Variants in C1QTNF12 observed in about 807,000 individuals in gnomAD.
The protein encoded by C1QTNF12 is C1q and TNF related 12, also known as adipolin.
C1QTNF12 carries 39 observed loss-of-function variants against 34.3 expected under a neutral mutation model. The ratio of observed to expected loss-of-function variants is 1.14; its 90% confidence interval spans 0.88 to 1.49. C1QTNF12 has a LOEUF of 1.49. Among genes scored for constraint, C1QTNF12 ranks in the 40% most tolerant of loss-of-function variants. The pLI, the probability that C1QTNF12 is intolerant of heterozygous loss-of-function variation, is 0.00. For synonymous variants in C1QTNF12, 220 were observed against 196.9 expected (o/e 1.12, Z -0.98); for missense variants, 497 against 424.7 (o/e 1.17, Z -1.50).
intron 1 of C1QTNF12, chr1:1,244,718 G>A (rs1638836910): frequency 1.9e-6 from 1 of 526,378 alleles, no homozygotes; most frequent in Non-Finnish European, 3.4e-6. Flanking sequence ...CTGATGCCCT[G>A]AGCCCCTCAC....
At position 1,244,479 on chromosome 1, in the gene C1QTNF12, G is replaced by T. The variant is rs1359596938; in HGVS notation, c.196C>A (p.Pro66Thr). The change falls in exon 2 of 8, where the codon CCT (proline) becomes ACT (threonine). Residue 66 changes from proline to threonine, a missense_variant. Pro to Thr is a conservative substitution (Grantham distance 38). Coordinates refer to ENST00000330388, the MANE Select transcript of C1QTNF12 (RefSeq NM_001014980.3). ...GTCATGTGGGCGTCGGAGAACTCAG[G>T]TCCTGAGGCCTGGGATGGCTGAAGG... The part of the protein sequence containing the change: ...EAPKPSQASG[P>T]EFSDAHMTWL... 6.2e-7 allele frequency: 1 copy of T among 1,611,572 alleles called. No individual in the cohort carries two copies. The highest frequency in any genetic ancestry group is 1.3e-5 in the African/African-American group (1 of 74,836).
In C1QTNF12 at chr1:1,246,390, G is replaced by A. The variant is rs1339858666; in HGVS notation, c.177+124C>T. 7.6e-6 allele frequency: 6 copies of A among 791,836 alleles called. No homozygotes were observed. The highest frequency in any genetic ancestry group is 3.4e-5 in the East Asian group (1 of 29,314). 49.1% of individuals were successfully genotyped at this position (791,836 alleles called of 1,614,324 possible). A position where few individuals can be genotyped will look rare whatever the true frequency, so the allele number is the denominator to read the frequency against. On this transcript the variant is annotated intron_variant, in intron 1 of 7. Coordinates refer to ENST00000330388, the MANE Select transcript of C1QTNF12 (RefSeq NM_001014980.3). The surrounding 1 kb of genome is among the most constrained non-coding windows in gnomAD (Gnocchi z 4.5). The stretch of plus-strand genomic sequence containing the variant: ...AGATTCTCAAGGCGGGACCGTGGCC[G>A]AGGCCTCGAAAAGGGCGACCCGGAG...
intron 4 of C1QTNF12, 37 bp from the exon 5 acceptor site, chr1:1,243,589 C>T: frequency 6.6e-7 from 1 of 1,506,636 alleles, no homozygotes; most frequent in Non-Finnish European, 9.0e-7. Flanking sequence ...AGCGCAGGGC[C>T]TGGCCCCCAC....
rs188614658 is a variant in C1QTNF12 at position 1,243,982 on chromosome 1, G to T, written c.503C>A (p.Thr168Lys). 1 of 1,609,414 alleles carries T rather than the reference G, an allele frequency of 6.2e-7. No individual in the cohort carries two copies. The highest frequency in any genetic ancestry group is 1.1e-5 in the South Asian group (1 of 90,640). Reference sequence around the variant, plus strand: ...CTGGAAACCATGCAGCTCCACCAGCGTCCGCTTGTCCACCCGGCGGGGACC... The same window carrying T: ...CTGGAAACCATGCAGCTCCACCAGCTTCCGCTTGTCCACCCGGCGGGGACC... ...LQGPRRVDKR[T>K]LVELHGFQAP... Residue 168 changes from threonine to lysine, a missense_variant, in exon 4 of 8, where the codon ACG (threonine) becomes AAG (lysine). Physicochemically the swap from Thr to Lys is moderately conservative, Grantham distance 78. Transcript: ENST00000330388.
intron 5 of C1QTNF12, 62 bp downstream of exon 5, chr1:1,243,382 C>A (rs989679802): frequency 2.1e-6 from 3 of 1,448,416 alleles, no homozygotes; most frequent in Non-Finnish European, 2.8e-6. Context: ...CGATGCCAGG[C>A]GCCCCCAGAA....
At chr1:1,246,797 GC>G (rs1638905427), upstream of C1QTNF12, 2 of 829,684 alleles carry the variant, frequency 2.4e-6, no homozygotes, top group Non-Finnish European at 3.1e-6. This position sits in a 1 kb window ranked among gnomAD's most constrained non-coding sequence, Gnocchi z 4.5. Context: ...CCAGGGGCGC[GC>G]CCGGCCTCCG....
chr1:1,247,235 C>T (rs1276846183), upstream of C1QTNF12, among the ~76,000 whole-genome samples: 1 of 152,208 alleles, frequency 6.6e-6, no homozygotes, highest in African/African-American at 2.4e-5. Context: ...AGCCAGCCAC[C>T]GGAGGGCAGC....
chr1:1,243,855 C>T, intron 4 of C1QTNF12, 99 bp downstream of exon 4: 1 of 1,069,808 alleles, frequency 9.3e-7, no homozygotes, highest in Non-Finnish European at 1.3e-6. Flanking sequence ...CAGCCCCCAA[C>T]CCACATGCTG....
At chr1:1,243,011 C>G in intron 6 of C1QTNF12, 51 bp downstream of exon 6, 1 of 1,557,946 alleles carries the variant, frequency 6.4e-7, no homozygotes, top group East Asian at 2.4e-5. Flanking sequence ...GTGAGCCCCT[C>G]CAAGGGTGGT....
In C1QTNF12 at chr1:1,246,651, C is replaced by T. The variant is rs7539412; in HGVS notation, c.40G>A (p.Gly14Arg). ...CCCCCGAGGAGCACGAGCTGCGGCC[C>T]GAGGAGGACCACGACCGCGGCCCAG... ...WAWAAVVVLL[G>R]PQLVLLGGVG... Residue 14 changes from glycine (G) to arginine (R), a missense_variant, in exon 1 of 8, where the codon GGG becomes AGG. Transcript: ENST00000330388. This position sits in a 1 kb window ranked among gnomAD's most constrained non-coding sequence, Gnocchi z 4.5. The T allele has an allele frequency of 2.7e-3, 3,336 of 1,232,446 alleles. 90 individuals carry two copies. The African/African-American group carries it at 0.048, about 18-fold the overall frequency. The allele number at this position is 1,232,446 out of a possible 1,614,324, so 76.3% of individuals were successfully genotyped here.
Position 1,244,000 on chromosome 1 carries a change from C to A in C1QTNF12, c.485G>T (p.Arg162Leu). The change falls in exon 4 of 8, where the codon CGC becomes CTC. Residue 162 changes from arginine (R) to leucine (L), a missense_variant. Coordinates refer to ENST00000330388, the MANE Select transcript of C1QTNF12 (RefSeq NM_001014980.3). ...EAFHCRLQGP[R>L]RVDKRTLVEL... ...CACCAGCGTCCGCTTGTCCACCCGGCGGGGACCCTGCAGCCGGCAGTGAAA... is the reference window on the plus strand; with the variant it reads ...CACCAGCGTCCGCTTGTCCACCCGGAGGGGACCCTGCAGCCGGCAGTGAAA... 6.2e-7 allele frequency: 1 copy of A among 1,605,754 alleles called. No individual in the cohort carries two copies. Among genetic ancestry groups the A allele is most frequent in the East Asian group, 2.2e-5 (1 of 44,472 alleles).
chr1:1,244,118 G>C lies in C1QTNF12; in HGVS notation c.380-13C>G. On this transcript the variant is annotated splice_polypyrimidine_tract_variant and intron_variant, in intron 3 of 7. Transcript: ENST00000330388. ...CGCTCCGTGGCCTCTGTGGGGAGGA[G>C]GGCACAGGCGGCCAGCAGGGTCAGC... 2 of 1,567,124 alleles carry C rather than the reference G, an allele frequency of 1.3e-6. No homozygotes were observed. The highest frequency in any genetic ancestry group is 1.7e-6 in the Non-Finnish European group (2 of 1,156,544).
rs563133992 is a variant in C1QTNF12 at position 1,245,491 on chromosome 1, G to C, written c.178-994C>G. ...TGAGCACACACCTCACAGCCCTCCA[G>C]CCGGCACCCTTTGAGGGAGGCCCGC... is the stretch of plus-strand genomic sequence containing the variant. On this transcript the variant is annotated intron_variant, in intron 1 of 7. Transcript: ENST00000330388. Among the ~76,000 whole-genome samples the C allele has an allele frequency of 6.0e-5, 9 of 151,254 alleles. No homozygotes were observed. In the East Asian group the frequency reaches 1.8e-3, roughly 30 times the overall value.
At position 1,244,212 on chromosome 1, in the gene C1QTNF12, C is replaced by T. The variant is rs748519882; in HGVS notation, c.358G>A (p.Glu120Lys). 2.8e-5 allele frequency: 44 copies of T among 1,593,750 alleles called. No homozygotes were observed. The highest frequency in any genetic ancestry group is 3.4e-5 in the South Asian group (3 of 88,448). The stretch of plus-strand genomic sequence containing the variant: ...TGACCTTTCAGCAGCTCCTGAAACT[C>T]GTGAAGCAGAGTCTCCGCGGTCACT... ...AEVTAETLLH[E>K]FQELLKEATE... The change falls in exon 3 of 8, where the codon GAG (glutamate) becomes AAG (lysine). Residue 120 changes from glutamate to lysine, a missense_variant. Physicochemically the swap from Glu to Lys is moderately conservative, Grantham distance 56. Coordinates refer to ENST00000330388, the MANE Select transcript of C1QTNF12 (RefSeq NM_001014980.3).
At chr1:1,245,201 C>T (rs183683200) in intron 1 of C1QTNF12, among the ~76,000 whole-genome samples, 4 of 1,506 alleles carry the variant, frequency 2.7e-3, no homozygotes, top group African/African-American at 7.3e-3. Context: ...CCACTCTTCC[C>T]CCTCCTCCCC....
chr1:1,243,193 G>A (rs751986720), intron 5 of C1QTNF12, 41 bp from the exon 6 acceptor site: 51 of 990,476 alleles, frequency 5.1e-5, no homozygotes, highest in Middle Eastern at 3.1e-4. Flanking sequence ...ATGGGGGGCG[G>A]GGTGGGGGCT....
In C1QTNF12 at chr1:1,244,110, G is replaced by A; in HGVS notation, c.380-5C>T. On this transcript the variant is annotated splice_polypyrimidine_tract_variant and splice_region_variant and intron_variant, in intron 3 of 7. Transcript: ENST00000330388. ...AGAACCGGCGCTCCGTGGCCTCTGTGGGGAGGAGGGCACAGGCGGCCAGCA... is the reference window on the plus strand; with the variant it reads ...AGAACCGGCGCTCCGTGGCCTCTGTAGGGAGGAGGGCACAGGCGGCCAGCA... 6 of 1,574,354 alleles carry A rather than the reference G, an allele frequency of 3.8e-6. No individual in the cohort carries two copies. The highest frequency in any genetic ancestry group is 5.2e-6 in the Non-Finnish European group (6 of 1,160,098).
chr1:1,244,345 G>C (rs778446401), intron 2 of C1QTNF12, 36 bp downstream of exon 2: 1 of 1,601,728 alleles, frequency 6.2e-7, no homozygotes, highest in East Asian at 2.2e-5. Flanking sequence ...ACCCTGTCCG[G>C]GGCTCAGACC....
intron 1 of C1QTNF12, among the ~76,000 whole-genome samples, chr1:1,245,431 G>A (rs1638870275): frequency 6.7e-6 from 1 of 150,080 alleles, no homozygotes; most frequent in South Asian, 2.1e-4. Flanking sequence ...GGCTGCAGGA[G>A]AACCGCCCAA....
Sources: gnomAD v4.1 joint callset for allele counts (sites outside exome capture counted in the v4.1 genomes callset) on GRCh38, gnomAD v4.1.1 for gene constraint, Gnocchi (gnomAD v3.1) non-coding constraint, MANE v1.5 for transcripts, NCBI Gene and HGNC (gene_info 2026-07-23, HGNC 2026-07-21) for gene names.